ZNF236: variants seen among roughly 807,000 people sequenced by gnomAD.
The protein encoded by ZNF236 is zinc finger protein 236.
In ZNF236, 50 loss-of-function variants were observed where a neutral mutation model predicts 191.2. The ratio of observed to expected loss-of-function variants is 0.26; its 90% confidence interval spans 0.21 to 0.33. The LOEUF (loss-of-function observed/expected upper bound fraction) is 0.33, where lower values mean the gene tolerates loss of function less well. Among genes scored for constraint, ZNF236 ranks in the 10% least tolerant of loss-of-function variants. The pLI, the probability that ZNF236 is intolerant of heterozygous loss-of-function variation, is 1.00. For synonymous variants in ZNF236, 907 were observed against 928.8 expected (o/e 0.98, Z 0.43); for missense variants, 1,754 against 2,374.5 (o/e 0.74, Z 5.43).
chr18:76,960,496 G>A lies in ZNF236; in HGVS notation c.5243-183G>A, dbSNP rs545935996. On this transcript the variant is annotated intron_variant, in intron 29 of 30. Coordinates refer to ENST00000320610, the MANE Select transcript of ZNF236 (RefSeq NM_001306089.2). The surrounding 1 kb of genome is among the most constrained non-coding windows in gnomAD (Gnocchi z 4.4). ...CGCCCCATCTGCTGGGGGTCGTTAG[G>A]ACCTGGCCAGGCTCCCTCTGGTCTC... Among the ~76,000 whole-genome samples the A allele has an allele frequency of 1.1e-4, 16 of 152,228 alleles. No individual in the cohort carries two copies. In the East Asian group the frequency reaches 2.5e-3, roughly 24 times the overall value.
chr18:76,828,881 G>C (rs1354076014), intron 1 of ZNF236, among the ~76,000 whole-genome samples: 1 of 152,120 alleles, frequency 6.6e-6, no homozygotes, highest in Admixed American at 6.5e-5. Context: ...TGCCCAGGCT[G>C]GTCTTGAACT....
At chr18:76,912,617 C>T (rs1333758598) in intron 17 of ZNF236, among the ~76,000 whole-genome samples, 3 of 152,202 alleles carry the variant, frequency 2.0e-5, no homozygotes, top group Non-Finnish European at 2.9e-5. Context: ...AGCTTCCCGT[C>T]ACTGTTTTAA....
In ZNF236 at chr18:76,871,778, C is replaced by A. The variant is rs371329485; in HGVS notation, c.620C>A (p.Thr207Lys). The A allele has an allele frequency of 4.3e-6, 7 of 1,614,168 alleles. No homozygotes were observed. The highest frequency in any genetic ancestry group is 5.9e-6 in the Non-Finnish European group (7 of 1,180,032). Reference protein sequence around the residue: ...FTYSCPHCGKTFQKPSQLTRH... With the variant: ...FTYSCPHCGKKFQKPSQLTRH... ...TATTCGTGTCCGCACTGTGGAAAGA[C>A]GTTTCAAAAGCCAAGCCAGTTAACG... is the stretch of plus-strand genomic sequence containing the variant. The change falls in exon 5 of 31, where the codon ACG becomes AAG. Residue 207 changes from threonine (T) to lysine (K), a missense_variant. By Grantham distance (78) the Thr-to-Lys change is moderately conservative. Around this residue, in one of 5 missense-constraint regions of ZNF236, gnomAD observed 336 missense variants for 495.1 expected, o/e 0.68. Transcript: ENST00000320610.
intron 11 of ZNF236, among the ~76,000 whole-genome samples, chr18:76,900,816 C>CTGA (rs765767302): frequency 1.1e-4 from 17 of 152,274 alleles, no homozygotes; most frequent in Non-Finnish European, 1.9e-4. Context: ...CAGTTCCCAA[C>CTGA]CTTTTTGTCA....
intron 26 of ZNF236, among the ~76,000 whole-genome samples, chr18:76,942,667 A>T (rs979533106): frequency 6.6e-6 from 1 of 150,732 alleles, no homozygotes; most frequent in African/African-American, 2.4e-5. Flanking sequence ...GCCCGCCACC[A>T]TGCCCGGCTA....
At chr18:76,846,523 G>C (rs1053912541) in intron 1 of ZNF236, among the ~76,000 whole-genome samples, 2 of 152,210 alleles carry the variant, frequency 1.3e-5, no homozygotes, top group African/African-American at 2.4e-5. Flanking sequence ...GGTAGAGCAA[G>C]AGTCTAGACC....
At chr18:76,849,717 G>A (rs369181478) in intron 2 of ZNF236, 49 bp downstream of exon 2, 1 of 1,415,812 alleles carries the variant, frequency 7.1e-7, no homozygotes, top group East Asian at 2.6e-5. Flanking sequence ...TGAAACTGGA[G>A]GTATTGTAAA....
At chr18:76,830,960 C>G (rs1975153593) in intron 1 of ZNF236, among the ~76,000 whole-genome samples, 1 of 152,118 alleles carries the variant, frequency 6.6e-6, no homozygotes, top group African/African-American at 2.4e-5. Flanking sequence ...CATGCTTACC[C>G]AAAATTGAGC....
chr18:76,921,675 C>T (rs947106549), intron 20 of ZNF236, among the ~76,000 whole-genome samples: 5 of 149,766 alleles, frequency 3.3e-5, no homozygotes, highest in Admixed American at 6.7e-5. Flanking sequence ...GCTACCAAGG[C>T]GACATAAAGT....
intron 30 of ZNF236, among the ~76,000 whole-genome samples, chr18:76,965,818 T>C (rs1968759435): frequency 6.6e-6 from 1 of 152,176 alleles, no homozygotes; most frequent in Non-Finnish European, 1.5e-5. Flanking sequence ...CTGTGAAGGT[T>C]CTTAGCTTTG....
chr18:76,868,370 AGG>A (rs1200716302), intron 3 of ZNF236, among the ~76,000 whole-genome samples: 1 of 152,234 alleles, frequency 6.6e-6, no homozygotes, highest in African/African-American at 2.4e-5. Context: ...CTCACAGAAT[AGG>A]CGGACCCAGT....
At chr18:76,963,257 G>A (rs1481843205) in intron 30 of ZNF236, among the ~76,000 whole-genome samples, 3 of 152,022 alleles carry the variant, frequency 2.0e-5, no homozygotes, top group Admixed American at 6.5e-5. Flanking sequence ...CTTGTATGCC[G>A]ATTTTCCTGG....
In ZNF236 at chr18:76,908,446, G is replaced by A. The variant is rs766468488; in HGVS notation, c.2424G>A (p.Pro808=). ...TGGAGATCGAGAGCGACGAGCTGCCGCAGACGGCAGAGGTGGTCGCAGCGA... is the reference window on the plus strand; with the variant it reads ...TGGAGATCGAGAGCGACGAGCTGCCACAGACGGCAGAGGTGGTCGCAGCGA... ...MQVEIESDEL[P]QTAEVVAANP... Residue 808 remains proline, a synonymous_variant, in exon 14 of 31, where the codon CCG becomes CCA. Coordinates refer to ENST00000320610, the MANE Select transcript of ZNF236 (RefSeq NM_001306089.2). 5.0e-6 allele frequency: 8 copies of A among 1,614,008 alleles called. No individual in the cohort carries two copies. The highest frequency in any genetic ancestry group is 1.6e-4 in the Middle Eastern group (1 of 6,062).
chr18:76,909,763 G>A (rs910712696), intron 14 of ZNF236, among the ~76,000 whole-genome samples: 34 of 152,190 alleles, frequency 2.2e-4, no homozygotes, highest in African/African-American at 7.0e-4. Flanking sequence ...CCCCTATGGT[G>A]CCTGCAACCA....
At chr18:76,834,833 A>T in intron 1 of ZNF236, 1 of 465,544 alleles carries the variant, frequency 2.1e-6, no homozygotes, top group South Asian at 1.6e-5. Context: ...AGGTGCATTG[A>T]AATGCCTTTT....
chr18:76,949,752 G>A (rs768784714), intron 27 of ZNF236, among the ~76,000 whole-genome samples: 1 of 150,632 alleles, frequency 6.6e-6, no homozygotes, highest in Non-Finnish European at 1.5e-5. Context: ...TCCGCCTCCT[G>A]GGTTCAAGTG....
intron 13 of ZNF236, among the ~76,000 whole-genome samples, chr18:76,906,553 G>T (rs1396333398): frequency 6.6e-6 from 1 of 152,162 alleles, no homozygotes; most frequent in Non-Finnish European, 1.5e-5. Flanking sequence ...TTGCTCAGTG[G>T]AATGTTAAAC....
rs1599372465 is a variant in ZNF236, at chr18:76,895,491, C to T, written c.1690+206C>T. ...GCAGCACCCACACCGGTACTGCCCA[C>T]AGGGACTGCACAAAGGTCTCAAACA... is the stretch of plus-strand genomic sequence containing the variant. On this transcript the variant is annotated intron_variant, in intron 10 of 30. Transcript: ENST00000320610. 7 of 691,384 alleles carry T rather than the reference C, an allele frequency of 1.0e-5. No homozygotes were observed. In the East Asian group the frequency reaches 1.1e-4, roughly 11 times the overall value. 42.8% of individuals were successfully genotyped at this position (691,384 alleles called of 1,614,324 possible). A position where few individuals can be genotyped will look rare whatever the true frequency, so the allele number is the denominator to read the frequency against.
chr18:76,890,089 C>T (rs79485611), intron 9 of ZNF236, among the ~76,000 whole-genome samples: 2,417 of 152,290 alleles, frequency 0.016, 30 homozygotes, highest in Middle Eastern at 0.02. Flanking sequence ...GTACGTTTAT[C>T]TGTAAGGACA....
Sources: allele counts gnomAD v4.1 joint callset (sites outside exome capture counted in the v4.1 genomes callset), GRCh38; gene constraint gnomAD v4.1.1; regional missense constraint gnomAD v4.1.1; non-coding constraint Gnocchi (gnomAD v3.1); transcripts MANE v1.5; gene names NCBI Gene and HGNC (gene_info 2026-07-23, HGNC 2026-07-21).